Variants in ROBO2 observed in about 807,000 individuals in gnomAD.
ROBO2 encodes roundabout guidance receptor 2.
In ROBO2, 53 loss-of-function variants were observed where a neutral mutation model predicts 160.8. The ratio of observed to expected loss-of-function variants is 0.33; its 90% CI spans 0.26 to 0.41. The LOEUF (loss-of-function observed/expected upper bound fraction) is 0.41. ROBO2 is among the 10% of genes least tolerant of loss of function. ROBO2 has a pLI of 1.00. For missense variants in ROBO2, 1,577 were observed against 1,722.4 expected (o/e 0.92, Z 1.49); for synonymous variants, 664 against 611.7 (o/e 1.09, Z -1.26).
chr3:77,155,489 C>A (rs899114315), intron 2 of ROBO2, among the ~76,000 whole-genome samples: 1 of 151,942 alleles, frequency 6.6e-6, no homozygotes, highest in African/African-American at 2.4e-5. Context: ...CTGGAAAAGG[C>A]GAGGGAACAG....
chr3:77,407,232 A>C (rs567486834), intron 2 of ROBO2, among the ~76,000 whole-genome samples: 1 of 152,300 alleles, frequency 6.6e-6, no homozygotes, highest in African/African-American at 2.4e-5. Context: ...GGACATCTAG[A>C]AAATGGGCTT....
At chr3:75,974,062 A>G (rs2065069781) in intron 2 of ROBO2, among the ~76,000 whole-genome samples, 1 of 151,576 alleles carries the variant, frequency 6.6e-6, no homozygotes, top group Non-Finnish European at 1.5e-5. Flanking sequence ...AAACAGCAAT[A>G]GGTAATGGTG....
chr3:77,436,091 T>C (rs2079253359), intron 2 of ROBO2, among the ~76,000 whole-genome samples: 1 of 151,368 alleles, frequency 6.6e-6, no homozygotes, highest in Non-Finnish European at 1.5e-5. Flanking sequence ...AAGAGATGAC[T>C]GTGTATGATA....
intron 2 of ROBO2, among the ~76,000 whole-genome samples, chr3:75,987,788 T>C (rs1037480007): frequency 1.3e-5 from 2 of 152,000 alleles, no homozygotes; most frequent in Non-Finnish European, 2.9e-5. Flanking sequence ...AAATGCATAA[T>C]TGAGACAATT....
At chr3:76,315,041 C>T (rs1293333023) in intron 2 of ROBO2, among the ~76,000 whole-genome samples, 1 of 152,112 alleles carries the variant, frequency 6.6e-6, no homozygotes, top group African/African-American at 2.4e-5. Context: ...GTGGGTAAGG[C>T]TGGCATGAAA....
At chr3:77,450,630 A>G (rs956333371) in intron 2 of ROBO2, among the ~76,000 whole-genome samples, 18 of 152,082 alleles carry the variant, frequency 1.2e-4, no homozygotes, top group African/African-American at 4.1e-4. Context: ...TTTAAATATT[A>G]TTTGTGGATA....
intron 2 of ROBO2, among the ~76,000 whole-genome samples, chr3:76,916,080 C>A (rs1028637301): frequency 5.9e-5 from 9 of 152,198 alleles, no homozygotes; most frequent in Non-Finnish European, 1.3e-4. Flanking sequence ...GTTAGGGTTT[C>A]AATATATGAA....
chr3:76,737,871 G>A (rs980215799), intron 2 of ROBO2, among the ~76,000 whole-genome samples: 1 of 152,154 alleles, frequency 6.6e-6, no homozygotes, highest in Non-Finnish European at 1.5e-5. Flanking sequence ...TGCAGACTGG[G>A]AACGGTGGCT....
intron 2 of ROBO2, among the ~76,000 whole-genome samples, chr3:76,793,922 A>G (rs2063524496): frequency 6.6e-6 from 1 of 151,752 alleles, no homozygotes; most frequent in African/African-American, 2.4e-5. Context: ...TCTTTATCCT[A>G]TTTGATTTTT....
intron 2 of ROBO2, among the ~76,000 whole-genome samples, chr3:76,315,586 T>C (rs797008426): frequency 1.3e-5 from 2 of 152,190 alleles, no homozygotes; most frequent in South Asian, 2.1e-4. Flanking sequence ...TGTTGGAGCT[T>C]GTAGAAGTTT....
chr3:76,850,692 C>A (rs1304187417), intron 2 of ROBO2, among the ~76,000 whole-genome samples: 1 of 152,088 alleles, frequency 6.6e-6, no homozygotes, highest in Non-Finnish European at 1.5e-5. Context: ...TATTTGAATC[C>A]TGGCCTCTGG....
chr3:77,458,037 G>T (rs1291796912), intron 2 of ROBO2, among the ~76,000 whole-genome samples: 1 of 152,066 alleles, frequency 6.6e-6, no homozygotes, highest in Non-Finnish European at 1.5e-5. Flanking sequence ...CCAGGTATGT[G>T]CTAAATGCCA....
intron 2 of ROBO2, among the ~76,000 whole-genome samples, chr3:76,845,322 A>G (rs910077001): frequency 6.6e-6 from 1 of 152,016 alleles, no homozygotes; most frequent in Non-Finnish European, 1.5e-5. Context: ...ATGAAAGGAG[A>G]ATAAAATATC....
chr3:76,576,701 CTTTTTTTTTT>C (rs56404865), intron 2 of ROBO2, among the ~76,000 whole-genome samples: 1 of 62,392 alleles, frequency 1.6e-5, no homozygotes, highest in Non-Finnish European at 2.9e-5. Context: ...CATTTTCTTT[CTTTTTTTTTT>C]TTTTTTTTTT....
chr3:76,957,399 A>T (rs888103984), intron 2 of ROBO2, among the ~76,000 whole-genome samples: 3 of 152,114 alleles, frequency 2.0e-5, no homozygotes, highest in Non-Finnish European at 2.9e-5. Flanking sequence ...TTTTGCTAGG[A>T]CTTGGAATAT....
intron 2 of ROBO2, among the ~76,000 whole-genome samples, chr3:76,662,519 A>ATT (rs74400757): frequency 1.6e-4 from 24 of 149,516 alleles, no homozygotes; most frequent in Non-Finnish European, 2.1e-4. Flanking sequence ...AGGAACTCAG[A>ATT]TTTTTTTTTT....
At chr3:76,045,465 G>GCC (rs1390182665) in intron 2 of ROBO2, among the ~76,000 whole-genome samples, 1 of 152,034 alleles carries the variant, frequency 6.6e-6, no homozygotes, top group African/African-American at 2.4e-5. Flanking sequence ...GACTCTGGGA[G>GCC]ATTTGGAGAC....
At chr3:77,511,625 G>C (rs956408032) in intron 5 of ROBO2, among the ~76,000 whole-genome samples, 1 of 151,982 alleles carries the variant, frequency 6.6e-6, no homozygotes, top group African/African-American at 2.4e-5. Context: ...GCGTTTTTCA[G>C]TCAGGCCGAA....
intron 1 of ROBO2, among the ~76,000 whole-genome samples, chr3:77,082,507 A>G (rs1451553152): frequency 1.3e-5 from 2 of 152,042 alleles, no homozygotes; most frequent in African/African-American, 4.8e-5. Context: ...TTGGTTGTAA[A>G]CTAATGATAA....
Sources: allele counts gnomAD v4.1 joint callset (sites outside exome capture counted in the v4.1 genomes callset), GRCh38; gene constraint gnomAD v4.1.1; transcripts MANE v1.5; gene names NCBI Gene and HGNC (gene_info 2026-07-23, HGNC 2026-07-21).